The following UTS2B variants were observed in gnomAD, a reference collection of about 807,000 sequenced individuals.
UTS2B encodes the protein urotensin 2B, also known as urotensin-2B.
In UTS2B, 21 loss-of-function variants were observed where a neutral mutation model predicts 19.2. The observed-to-expected ratio is 1.09, with a 90% confidence interval of 0.78 to 1.58. UTS2B has a LOEUF of 1.58. Ranked by LOEUF, UTS2B falls within the 40% of genes most tolerant of loss-of-function variation. The pLI, the probability that UTS2B is intolerant of heterozygous loss-of-function variation, is 0.00. For missense variants in UTS2B, 138 were observed against 130.3 expected, an observed-to-expected ratio of 1.06 and a Z score of -0.29; for synonymous variants, 57 against 50.2, an observed-to-expected ratio of 1.14 and a Z score of -0.58.
At chr3:191,268,901 G>A (rs1466942240) in intron 8 of UTS2B, among the ~76,000 whole-genome samples, 2 of 152,190 alleles carry the variant, frequency 1.3e-5, no homozygotes, top group African/African-American at 4.8e-5. Flanking sequence ...GAGTGAAGAG[G>A]AAGGAAGACA....
At chr3:191,273,627 C>T (rs1716151390) in intron 8 of UTS2B, 2 of 455,982 alleles carry the variant, frequency 4.4e-6, no homozygotes, top group Non-Finnish European at 8.8e-6. Context: ...GACTTTATTA[C>T]ACCATGCCTC....
intron 8 of UTS2B, among the ~76,000 whole-genome samples, chr3:191,268,788 T>C (rs1361948333): frequency 6.6e-6 from 1 of 152,220 alleles, no homozygotes; most frequent in Non-Finnish European, 1.5e-5. Flanking sequence ...TTCAATAGAC[T>C]GCCCTATGAG....
intron 2 of UTS2B, 147 bp downstream of exon 2, chr3:191,328,484 T>G (rs1158908978): frequency 6.6e-6 from 1 of 152,202 alleles, no homozygotes; most frequent in African/African-American, 2.4e-5. Context: ...AATATGTAAC[T>G]CTTTATGTAC....
chr3:191,330,597 C>G (rs1262294956), upstream of UTS2B: 1 of 152,208 alleles, frequency 6.6e-6, no homozygotes, highest in Non-Finnish European at 1.5e-5. Context: ...ACGCAGACCC[C>G]TAAGTTCCAA....
At chr3:191,329,831 C>G in intron 1 of UTS2B, 14 of 1,178,056 alleles carry the variant, frequency 1.2e-5, no homozygotes, top group Middle Eastern at 2.1e-4. Context: ...CGCCCGGTGC[C>G]CGCCCTGCGT....
upstream of UTS2B, among the ~76,000 whole-genome samples, chr3:191,335,217 C>T (rs1718102020): frequency 6.6e-6 from 1 of 152,114 alleles, no homozygotes; most frequent in African/African-American, 2.4e-5. Context: ...TAAGTAAATG[C>T]TGCTTGAAAT....
At chr3:191,340,191 G>T in the UTS2B span, among the ~76,000 whole-genome samples, 1 of 152,170 alleles carries the variant, frequency 6.6e-6, no homozygotes, top group East Asian at 1.9e-4. Context: ...GATTTGGAAG[G>T]TGACTTGTCA....
At position 191,271,400 on chromosome 3, in the gene UTS2B, A is replaced by G. The variant is rs1441190063; in HGVS notation, c.335-2959T>C. Among the ~76,000 whole-genome samples, 4 of 152,200 alleles carry G rather than the reference A, an allele frequency of 2.6e-5. No individual in the cohort carries two copies. The South Asian group carries it at 6.2e-4, about 24-fold the overall frequency. ...GAGATGGATTTGAGACTGAGCTTCC[A>G]TCTCCTCAGCTGCAGCACCCAATTA... On this transcript the variant is annotated intron_variant, in intron 8 of 8. Coordinates refer to ENST00000340524, the MANE Select transcript of UTS2B (RefSeq NM_198152.5).
intron 4 of UTS2B, among the ~76,000 whole-genome samples, chr3:191,288,026 T>C (rs1384136443): frequency 1.3e-5 from 2 of 152,114 alleles, no homozygotes; most frequent in Non-Finnish European, 2.9e-5. Context: ...AAATCAAGAA[T>C]GTCATTTGCA....
the UTS2B span, among the ~76,000 whole-genome samples, chr3:191,340,431 A>G: frequency 6.6e-6 from 1 of 152,248 alleles, no homozygotes; most frequent in African/African-American, 2.4e-5. Context: ...AAAATACAGA[A>G]TTAGGAAACT....
rs539293883 is a variant in UTS2B at position 191,288,124 on chromosome 3, A to C, written c.-124-5811T>G. Reference sequence around the variant, plus strand: ...ACTGACAACAACAAAACATTGATGAAAGACACAAGCAAATGGAAAGATAGC... The same window carrying C: ...ACTGACAACAACAAAACATTGATGACAGACACAAGCAAATGGAAAGATAGC... On this transcript the variant is annotated intron_variant, in intron 4 of 8. Transcript: ENST00000340524. Among the ~76,000 whole-genome samples the C allele has an allele frequency of 2.9e-4, 44 of 152,324 alleles. No individual in the cohort carries two copies. The East Asian group carries it at 6.5e-3, about 23-fold the overall frequency.
intron 8 of UTS2B, among the ~76,000 whole-genome samples, chr3:191,270,590 T>G (rs866759666): frequency 3.0e-4 from 45 of 152,228 alleles, no homozygotes; most frequent in African/African-American, 1.0e-3. Context: ...TATACCAATT[T>G]TTTTTCTATT....
intron 1 of UTS2B, chr3:191,329,412 T>G: frequency 3.2e-5 from 13 of 404,682 alleles, no homozygotes; most frequent in East Asian, 9.2e-5. Context: ...GCTCCGGATA[T>G]TTGGTATCGA....
At chr3:191,315,390 T>A (rs1717421213) in intron 3 of UTS2B, among the ~76,000 whole-genome samples, 1 of 152,106 alleles carries the variant, frequency 6.6e-6, no homozygotes, top group Non-Finnish European at 1.5e-5. Flanking sequence ...GAAGCACAGG[T>A]AGAACAACTT....
intron 3 of UTS2B, among the ~76,000 whole-genome samples, chr3:191,307,806 T>G (rs1363693013): frequency 7.0e-6 from 1 of 142,830 alleles, no homozygotes; most frequent in Non-Finnish European, 1.6e-5. Context: ...TGCTTTTTCT[T>G]TTTTCTTTTC....
chr3:191,335,309 A>G (rs1334403766), upstream of UTS2B, among the ~76,000 whole-genome samples: 3 of 152,146 alleles, frequency 2.0e-5, no homozygotes, highest in South Asian at 2.1e-4. Context: ...TCAAACAACT[A>G]TATTTGCTGT....
chr3:191,323,882 T>C (rs1432127056), intron 2 of UTS2B, among the ~76,000 whole-genome samples: 1 of 152,148 alleles, frequency 6.6e-6, no homozygotes, highest in African/African-American at 2.4e-5. Context: ...TTGGAAGACA[T>C]TTGAAATTGA....
intron 5 of UTS2B, among the ~76,000 whole-genome samples, chr3:191,278,476 G>A (rs1300792593): frequency 6.6e-6 from 1 of 151,838 alleles, no homozygotes; most frequent in African/African-American, 2.4e-5. Flanking sequence ...TTTAATCTGT[G>A]TTTCTGGAAT....
the UTS2B span, among the ~76,000 whole-genome samples, chr3:191,339,611 A>T: frequency 1.3e-5 from 2 of 152,226 alleles, no homozygotes; most frequent in African/African-American, 4.8e-5. Flanking sequence ...GCAGATGAAC[A>T]TAAAAAATTT....
Sources: gnomAD v4.1 joint callset for allele counts (sites outside exome capture counted in the v4.1 genomes callset) on GRCh38, gnomAD v4.1.1 for gene constraint, MANE v1.5 for transcripts, NCBI Gene and HGNC (gene_info 2026-07-23, HGNC 2026-07-21) for gene names.